The following CRAMP1 variants were observed in gnomAD, a reference collection of about 807,000 sequenced individuals.
CRAMP1 encodes cramped chromatin regulator 1.
Under a neutral mutation model 115.4 loss-of-function variants are expected in CRAMP1, and 50 were observed. The observed-to-expected ratio is 0.43, with a 90% CI of 0.35 to 0.55. The LOEUF (loss-of-function observed/expected upper bound fraction) is 0.55, where lower values mean the gene tolerates loss of function less well. Ranked by LOEUF, CRAMP1 falls within the 20% of genes least tolerant of loss-of-function variation. The probability of loss-of-function intolerance (pLI) is 0.01; values close to 1 mark genes in which losing one functional copy is unlikely to be tolerated. For missense variants in CRAMP1, 1,679 were observed against 1,721.7 expected (o/e 0.98, Z 0.44); for synonymous variants, 866 against 745.4 (o/e 1.16, Z -2.64).
chr16:1,657,907 T>C (rs2036789791), intron 10 of CRAMP1, among the ~76,000 whole-genome samples: 1 of 152,170 alleles, frequency 6.6e-6, no homozygotes, highest in Non-Finnish European at 1.5e-5. Context: ...TGCAGGTCAC[T>C]GTGGACCCCT....
chr16:1,613,829 T>C (rs565065247), intron 1 of CRAMP1, among the ~76,000 whole-genome samples: 1 of 152,340 alleles, frequency 6.6e-6, no homozygotes, highest in South Asian at 2.1e-4. Flanking sequence ...CAGGCTCCTT[T>C]GTTGCAAAAG....
chr16:1,632,383 C>G lies in CRAMP1; in HGVS notation c.694+18C>G. 1.3e-6 allele frequency: 2 copies of G among 1,573,354 alleles called. No homozygotes were observed. Among genetic ancestry groups the G allele is most frequent in the Non-Finnish European group, 8.6e-7 (1 of 1,159,334 alleles). On this transcript the variant is annotated intron_variant, in intron 4 of 20. Coordinates refer to ENST00000397412, the MANE Select transcript of CRAMP1 (RefSeq NM_020825.4). ...TGATCATGGTGAGTGTGCCACGGGCCAGGCTCGGGGGTGCCCACAGGCAGG... is the reference window on the plus strand; with the variant it reads ...TGATCATGGTGAGTGTGCCACGGGCGAGGCTCGGGGGTGCCCACAGGCAGG...
chr16:1,657,280 G>T (rs2036784737), intron 10 of CRAMP1, among the ~76,000 whole-genome samples: 1 of 152,250 alleles, frequency 6.6e-6, no homozygotes, highest in Admixed American at 6.5e-5. Context: ...TTCCAGAAGT[G>T]CAGTGATGAG....
chr16:1,648,990 C>T (rs796950349), intron 6 of CRAMP1, among the ~76,000 whole-genome samples: 8 of 150,996 alleles, frequency 5.3e-5, no homozygotes, highest in African/African-American at 9.8e-5. Flanking sequence ...ACCCGGCAGG[C>T]GGAGCTTGCA....
At chr16:1,639,387 C>T (rs568196320) in intron 5 of CRAMP1, among the ~76,000 whole-genome samples, 29 of 150,466 alleles carry the variant, frequency 1.9e-4, no homozygotes, top group African/African-American at 7.0e-4. Context: ...AGAAGTTTCC[C>T]CCTCTAGAGG....
Position 1,656,406 on chromosome 16 carries a change from A to G in CRAMP1, c.1649A>G (p.Asp550Gly). 1 of 1,591,288 alleles carries G rather than the reference A, an allele frequency of 6.3e-7. No individual in the cohort carries two copies. Among genetic ancestry groups the G allele is most frequent in the South Asian group, 1.1e-5 (1 of 87,998 alleles). The part of the protein sequence containing the change: ...ALPCACGQLP[D>G]LEDELSLLDP... ...CCGTGTGCCTGTGGCCAGCTCCCAGACCTGGAGGACGAGCTCTCGCTTCTA... is the reference window on the plus strand; with the variant it reads ...CCGTGTGCCTGTGGCCAGCTCCCAGGCCTGGAGGACGAGCTCTCGCTTCTA... Residue 550 changes from aspartate (D) to glycine (G), a missense_variant, in exon 10 of 21, where the codon GAC becomes GGC. Asp to Gly is a moderately conservative substitution (Grantham distance 94). Transcript: ENST00000397412. This position sits in a 1 kb window ranked among gnomAD's most constrained non-coding sequence, Gnocchi z 5.6.
At chr16:1,660,120 C>T (rs1243177058) in intron 11 of CRAMP1, 57 bp downstream of exon 11, 1 of 1,402,012 alleles carries the variant, frequency 7.1e-7, no homozygotes, top group African/African-American at 1.5e-5. Flanking sequence ...GCACCTCAGG[C>T]TTCAGGGGCC....
chr16:1,630,438 C>T (rs977223367), intron 3 of CRAMP1, among the ~76,000 whole-genome samples: 3 of 152,204 alleles, frequency 2.0e-5, no homozygotes, highest in Non-Finnish European at 2.9e-5. Context: ...AGGCACGAGC[C>T]ACCACCTGGC....
intron 8 of CRAMP1, among the ~76,000 whole-genome samples, chr16:1,654,734 T>C (rs1201616591): frequency 2.6e-5 from 4 of 152,216 alleles, no homozygotes; most frequent in Non-Finnish European, 4.4e-5. Context: ...GAACGTTTCA[T>C]AGAAACGGAA....
At chr16:1,655,785 TG>T in intron 9 of CRAMP1, 91 bp from the exon 10 acceptor site, 1 of 1,403,326 alleles carries the variant, frequency 7.1e-7, no homozygotes. Context: ...GGGATGCCAG[TG>T]GGGAGCGTGG....
intron 2 of CRAMP1, among the ~76,000 whole-genome samples, chr16:1,622,769 T>C (rs913789989): frequency 6.7e-6 from 1 of 149,688 alleles, no homozygotes; most frequent in African/African-American, 2.5e-5. Context: ...TTTTTTTTTT[T>C]TTTCTTTTTT....
At chr16:1,630,182 T>A (rs1170329842) in intron 3 of CRAMP1, among the ~76,000 whole-genome samples, 4 of 152,200 alleles carry the variant, frequency 2.6e-5, no homozygotes, top group Non-Finnish European at 5.9e-5. Flanking sequence ...TCAGTCTTGC[T>A]TTGTCACCTA....
At chr16:1,632,070 C>T (rs2036551638) in intron 3 of CRAMP1, 142 bp from the exon 4 acceptor site, 1 of 857,558 alleles carries the variant, frequency 1.2e-6, no homozygotes, top group Non-Finnish European at 1.8e-6. Flanking sequence ...AGTTCATACA[C>T]AGATAAGAGC....
intron 2 of CRAMP1, among the ~76,000 whole-genome samples, chr16:1,620,188 G>T (rs2036454342): frequency 6.6e-6 from 1 of 152,234 alleles, no homozygotes. Flanking sequence ...CTGATGCGAT[G>T]TCTTGTGTTA....
At chr16:1,655,542 GTGTC>G (rs1468196071) in intron 9 of CRAMP1, among the ~76,000 whole-genome samples, 1 of 152,220 alleles carries the variant, frequency 6.6e-6, no homozygotes, top group East Asian at 1.9e-4. Flanking sequence ...TCAGTGGCCT[GTGTC>G]TGGCCCACGG....
At chr16:1,655,383 C>T (rs2036762272) in intron 9 of CRAMP1, 83 bp downstream of exon 9, 1 of 1,100,374 alleles carries the variant, frequency 9.1e-7, no homozygotes, top group Non-Finnish European at 1.4e-6. Context: ...CTGTGCCTGT[C>T]ATCGTCATGG....
rs1309607253 is a variant in CRAMP1 at position 1,612,483 on chromosome 16, G to T, written c.-176G>T. On this transcript the variant is annotated 5_prime_UTR_variant, in exon 1 of 21. Transcript: ENST00000397412. ...CAGCCGCGCGCCGGCCCGCGGAGGG[G>T]ACGTGCCGGGGCTAGCGCCGCTCGA... 1.3e-5 allele frequency: 2 copies of T among 151,380 alleles called. No homozygotes were observed. The highest frequency in any genetic ancestry group is 6.6e-5 in the Admixed American group (1 of 15,200). The allele number at this position is 151,380 out of a possible 1,614,324, so 9.4% of individuals were successfully genotyped here.
chr16:1,617,277 C>G (rs1364874546), intron 2 of CRAMP1, among the ~76,000 whole-genome samples: 1 of 152,222 alleles, frequency 6.6e-6, no homozygotes, highest in Non-Finnish European at 1.5e-5. Flanking sequence ...GTCCGCTGCT[C>G]TCTGCTTTCA....
intron 3 of CRAMP1, among the ~76,000 whole-genome samples, chr16:1,626,705 A>G (rs1467876100): frequency 6.6e-6 from 1 of 152,118 alleles, no homozygotes; most frequent in East Asian, 1.9e-4. Flanking sequence ...TTTCACCTGC[A>G]TTATTGTTTT....
Sources: allele counts gnomAD v4.1 joint callset (sites outside exome capture counted in the v4.1 genomes callset), GRCh38; gene constraint gnomAD v4.1.1; non-coding constraint Gnocchi (gnomAD v3.1); transcripts MANE v1.5; gene names NCBI Gene and HGNC (gene_info 2026-07-23, HGNC 2026-07-21).